TLL2: variants seen among roughly 807,000 people sequenced by gnomAD.
TLL2 encodes tolloid-like protein 2.
TLL2 carries 106 observed loss-of-function variants against 123.0 expected under a neutral mutation model. The observed-to-expected ratio is 0.86, with a 90% CI of 0.74 to 1.01. The LOEUF (loss-of-function observed/expected upper bound fraction) is 1.01, where lower values mean the gene tolerates loss of function less well. Among genes scored for constraint, TLL2 ranks in the 50% least tolerant of loss-of-function variants. The pLI is 0.00. For synonymous variants in TLL2, 494 were observed against 516.8 expected, an observed-to-expected ratio of 0.96 and a Z score of 0.60; for missense variants, 1,332 against 1,336.7, an observed-to-expected ratio of 1.00 and a Z score of 0.06.
In TLL2 at chr10:96,395,989, G is replaced by A. The variant is rs776982624; in HGVS notation, c.1416C>T (p.Ala472=). The change falls in exon 12 of 21, where the codon GCC becomes GCT. Residue 472 remains alanine, a synonymous_variant. Transcript: ENST00000357947. The part of the protein sequence containing the change: ...ATCGGDMNKD[A]GQIQSPNYPD... ...GATAGTTGGGAGATTGAATCTGACC[G>A]GCATCTTTGTTCATGTCTCCCCCGC... The A allele has an allele frequency of 8.1e-6, 13 of 1,614,138 alleles. No individual in the cohort carries two copies. The highest frequency in any genetic ancestry group is 2.2e-5 in the East Asian group (1 of 44,872).
At chr10:96,370,565 A>G (rs1341846326) in intron 19 of TLL2, among the ~76,000 whole-genome samples, 1 of 152,212 alleles carries the variant, frequency 6.6e-6, no homozygotes, top group Non-Finnish European at 1.5e-5. Context: ...TGAGCATGCC[A>G]TTGAAAAGAG....
chr10:96,509,158 C>G (rs1847602970), intron 1 of TLL2, among the ~76,000 whole-genome samples: 1 of 152,202 alleles, frequency 6.6e-6, no homozygotes, highest in Non-Finnish European at 1.5e-5. Flanking sequence ...AGCGAATGAG[C>G]CTTCAGATAA....
intron 2 of TLL2, among the ~76,000 whole-genome samples, chr10:96,456,318 G>A (rs747058376): frequency 4.6e-5 from 7 of 152,194 alleles, no homozygotes; most frequent in African/African-American, 1.7e-4. Context: ...TCTCAGGGAC[G>A]ATTCTGAAGG....
At position 96,400,355 on chromosome 10, in the gene TLL2, ATC is replaced by A. The variant is rs1326651279; in HGVS notation, c.1268-3055_1268-3054del. Among the ~76,000 whole-genome samples the A allele has an allele frequency of 4.9e-4, 24 of 49,056 alleles. No homozygotes were observed. The Admixed American group carries it at 6.0e-3, about 12-fold the overall frequency. The allele number at this position is 49,056 out of a possible 152,430, so 32.2% of individuals were successfully genotyped here. On this transcript the variant is annotated intron_variant, in intron 10 of 20. Coordinates refer to ENST00000357947, the MANE Select transcript of TLL2 (RefSeq NM_012465.4). ...TTTCTTCATCATCACCACTACTACC[ATC>A]AAAAAAAAAAAAAAAAAAAAAAACA...
chr10:96,480,983 C>T (rs1204388497), intron 1 of TLL2, among the ~76,000 whole-genome samples: 1 of 152,166 alleles, frequency 6.6e-6, no homozygotes, highest in East Asian at 1.9e-4. Context: ...CCTCTTTGCC[C>T]TGTCCCAGAA....
chr10:96,493,229 A>G (rs1007452811), intron 1 of TLL2, among the ~76,000 whole-genome samples: 6 of 152,200 alleles, frequency 3.9e-5, no homozygotes, highest in South Asian at 2.1e-4. Flanking sequence ...CCCCCTCTCA[A>G]TTCTAACTCT....
intron 2 of TLL2, among the ~76,000 whole-genome samples, chr10:96,457,934 A>G (rs1464922741): frequency 6.6e-6 from 1 of 152,148 alleles, no homozygotes; most frequent in Admixed American, 6.5e-5. Flanking sequence ...TTATTCGCTT[A>G]TGTTTTTATT....
chr10:96,397,106 TG>T, intron 11 of TLL2, 79 bp downstream of exon 11: 2 of 1,320,136 alleles, frequency 1.5e-6, no homozygotes, highest in Non-Finnish European at 2.1e-6. Flanking sequence ...GTGTCTGGGC[TG>T]GGAGAGGGAC....
chr10:96,396,147 A>T, intron 11 of TLL2, 127 bp from the exon 12 acceptor site: 1 of 1,117,206 alleles, frequency 9.0e-7, no homozygotes, highest in Non-Finnish European at 1.2e-6. Flanking sequence ...CAACATTTTC[A>T]TCTCCAGCCC....
chr10:96,509,110 G>A (rs1054101404), intron 1 of TLL2, among the ~76,000 whole-genome samples: 1 of 152,120 alleles, frequency 6.6e-6, no homozygotes, highest in Non-Finnish European at 1.5e-5. Flanking sequence ...TGGCCAACAG[G>A]TCCCAGGCAA....
rs1247350845 is a variant in TLL2 at position 96,379,123 on chromosome 10, AACCGCC to A, written c.2195-37_2195-32del. ...GAGATCAATGAACTCTTCTAAGAGGAACCGCCAACTTGCAAATGTCCCTCAGGGCTC... is the reference window on the plus strand; with the variant it reads ...GAGATCAATGAACTCTTCTAAGAGGAAACTTGCAAATGTCCCTCAGGGCTC... On this transcript the variant is annotated intron_variant, in intron 16 of 20. Coordinates refer to ENST00000357947, the MANE Select transcript of TLL2 (RefSeq NM_012465.4). 5 of 1,588,056 alleles carry A rather than the reference AACCGCC, an allele frequency of 3.1e-6. No homozygotes were observed. In the African/African-American group the frequency reaches 6.7e-5, roughly 21 times the overall value.
At chr10:96,418,768 G>A (rs1377688043) in intron 7 of TLL2, among the ~76,000 whole-genome samples, 6 of 146,614 alleles carry the variant, frequency 4.1e-5, no homozygotes, top group Non-Finnish European at 1.5e-5. Flanking sequence ...ATTATTAATA[G>A]CTAAATTAAA....
intron 2 of TLL2, among the ~76,000 whole-genome samples, chr10:96,447,993 C>G (rs1336687890): frequency 1.3e-5 from 2 of 152,168 alleles, no homozygotes; most frequent in African/African-American, 4.8e-5. Context: ...CGAACCCAAC[C>G]CCTAGGCCTG....
In TLL2 at chr10:96,442,057, C is replaced by T. The variant is rs143235495; in HGVS notation, c.364+4034G>A. ...CAGCTTCATTCATGGAGCAGTTGCA[C>T]ACTCCATTTCATTAATCCCATTATC... On this transcript the variant is annotated intron_variant, in intron 3 of 20. Coordinates refer to ENST00000357947, the MANE Select transcript of TLL2 (RefSeq NM_012465.4). 8.9e-4 allele frequency among the ~76,000 whole-genome samples: 135 copies of T among 152,272 alleles called. 1 individual carries two copies. Among genetic ancestry groups the T allele is most frequent in the African/African-American group, 3.0e-3 (126 of 41,558 alleles).
chr10:96,427,156 A>G (rs1294108330), intron 5 of TLL2, among the ~76,000 whole-genome samples: 1 of 152,162 alleles, frequency 6.6e-6, no homozygotes. Context: ...CTTACCAGCT[A>G]ATGTTTATTC....
intron 19 of TLL2, 71 bp downstream of exon 19, chr10:96,373,525 G>A (rs77173980): frequency 8.4e-6 from 12 of 1,435,504 alleles, no homozygotes; most frequent in African/African-American, 5.6e-5. Context: ...AGTCCTTGTC[G>A]TGCCTTCACC....
In TLL2 at chr10:96,475,940, C is replaced by T. The variant is rs180803120; in HGVS notation, c.286+4409G>A. On this transcript the variant is annotated intron_variant, in intron 2 of 20. Transcript: ENST00000357947. ...AGTTTCCCTGCACAAGCTCTCCTTGCCTGCCGCCATCCACACAAGATGTGA... is the reference window on the plus strand; with the variant it reads ...AGTTTCCCTGCACAAGCTCTCCTTGTCTGCCGCCATCCACACAAGATGTGA... Among the ~76,000 whole-genome samples, 4 of 152,122 alleles carry T rather than the reference C, an allele frequency of 2.6e-5. No individual in the cohort carries two copies. In the East Asian group the frequency reaches 7.7e-4, roughly 29 times the overall value.
At chr10:96,457,372 C>T (rs1847027465) in intron 2 of TLL2, among the ~76,000 whole-genome samples, 1 of 152,194 alleles carries the variant, frequency 6.6e-6, no homozygotes, top group Non-Finnish European at 1.5e-5. Flanking sequence ...CTGTCCTACC[C>T]CATGGTCCAG....
At chr10:96,494,280 C>A (rs1347968989) in intron 1 of TLL2, among the ~76,000 whole-genome samples, 1 of 152,212 alleles carries the variant, frequency 6.6e-6, no homozygotes, top group Non-Finnish European at 1.5e-5. Context: ...TCGAGCCAGG[C>A]AGCAGCCAGC....
Sources: allele counts gnomAD v4.1 joint callset (sites outside exome capture counted in the v4.1 genomes callset), GRCh38; gene constraint gnomAD v4.1.1; transcripts MANE v1.5; gene names NCBI Gene and HGNC (gene_info 2026-07-23, HGNC 2026-07-21).